Variants in HIVEP3 observed in about 807,000 individuals in gnomAD.
HIVEP3 encodes the protein HIVEP zinc finger 3.
A neutral mutation model predicts 152.8 loss-of-function variants in HIVEP3; 49 were observed. The observed-to-expected ratio is 0.32, with a 90% CI of 0.26 to 0.41. The LOEUF (loss-of-function observed/expected upper bound fraction) is 0.41. Among genes scored for constraint, HIVEP3 ranks in the 10% least tolerant of loss-of-function variants. HIVEP3 has a pLI of 1.00. For missense variants in HIVEP3, 2,790 were observed against 3,103.3 expected, an observed-to-expected ratio of 0.90 and a Z score of 2.40; for synonymous variants, 1,269 against 1,289.0, an observed-to-expected ratio of 0.98 and a Z score of 0.33.
chr1:41,542,529 T>C (rs1643556793), intron 5 of HIVEP3: 1 of 152,118 alleles, frequency 6.6e-6, no homozygotes, highest in Admixed American at 6.6e-5. Context: ...CCCAGGAAGG[T>C]CAATATTCCG....
intron 1 of HIVEP3, among the ~76,000 whole-genome samples, chr1:41,732,634 T>C (rs1646858926): frequency 6.6e-6 from 1 of 152,134 alleles, no homozygotes; most frequent in African/African-American, 2.4e-5. Flanking sequence ...AGCTGGAGCC[T>C]CATGTCTCTC....
At chr1:41,637,296 C>T (rs548489619) in intron 2 of HIVEP3, among the ~76,000 whole-genome samples, 27 of 152,354 alleles carry the variant, frequency 1.8e-4, no homozygotes, top group Middle Eastern at 3.4e-3. Context: ...ATGATAAATA[C>T]ACACAATGGA....
At chr1:41,740,456 G>A (rs1392989950) in intron 1 of HIVEP3, among the ~76,000 whole-genome samples, 3 of 152,252 alleles carry the variant, frequency 2.0e-5, no homozygotes, top group African/African-American at 7.2e-5. Flanking sequence ...GAAGCCCAAA[G>A]GTTCTGGAAT....
At chr1:41,560,708 G>C (rs1272492851) in intron 5 of HIVEP3, among the ~76,000 whole-genome samples, 2 of 152,198 alleles carry the variant, frequency 1.3e-5, no homozygotes, top group Non-Finnish European at 2.9e-5. Flanking sequence ...CCACAGCGGA[G>C]GCCCCTCCTC....
intron 1 of HIVEP3, among the ~76,000 whole-genome samples, chr1:41,862,242 C>G (rs1027203489): frequency 3.9e-5 from 6 of 152,158 alleles, no homozygotes; most frequent in African/African-American, 1.4e-4. Context: ...TCTGTCCAAA[C>G]AAATAAGCAA....
intron 1 of HIVEP3, among the ~76,000 whole-genome samples, chr1:41,882,755 A>G (rs1232628628): frequency 1.3e-5 from 2 of 152,164 alleles, no homozygotes; most frequent in African/African-American, 2.4e-5. Context: ...TGTGTGTTCA[A>G]GAAATATCTG....
chr1:41,573,377 T>A (rs1245556357), intron 5 of HIVEP3, among the ~76,000 whole-genome samples: 3 of 151,924 alleles, frequency 2.0e-5, no homozygotes, highest in African/African-American at 7.3e-5. Flanking sequence ...CTCTGCGGGG[T>A]GATGCCAGCC....
chr1:41,908,639 C>T (rs16828877), intron 1 of HIVEP3, among the ~76,000 whole-genome samples: 2,801 of 152,218 alleles, frequency 0.018, 91 homozygotes, highest in African/African-American at 0.064. Context: ...ATTTTCTGAA[C>T]GATAGTGGAT....
intron 1 of HIVEP3, among the ~76,000 whole-genome samples, chr1:41,819,325 C>CT (rs145168782): frequency 3.3e-5 from 5 of 149,292 alleles, no homozygotes; most frequent in East Asian, 2.0e-4. Flanking sequence ...TTCCATTTGT[C>CT]TTTTTTTTTT....
chr1:42,029,893 A>C (rs1347998083), intron 1 of HIVEP3, among the ~76,000 whole-genome samples: 1 of 152,254 alleles, frequency 6.6e-6, no homozygotes, highest in Non-Finnish European at 1.5e-5. Context: ...TCCGGGAGAC[A>C]CAATTGGGAA....
At chr1:41,949,596 A>G (rs1391344087) in intron 1 of HIVEP3, among the ~76,000 whole-genome samples, 1 of 152,084 alleles carries the variant, frequency 6.6e-6, no homozygotes, top group Non-Finnish European at 1.5e-5. Context: ...CATAGAGCAG[A>G]GGAGCTTCAA....
At position 41,507,020 on chromosome 1, in the gene HIVEP3, CTTT is replaced by C; in HGVS notation, c.*3428_*3430del. Reference sequence around the variant, plus strand: ...ACAGAAGCAGAATTGGTGGAACAGGCTTTCGGGAACTTTCTTCCCCTGGTCACA... The same window carrying C: ...ACAGAAGCAGAATTGGTGGAACAGGCCGGGAACTTTCTTCCCCTGGTCACA... On this transcript the variant is annotated 3_prime_UTR_variant, in exon 9 of 9. Transcript: ENST00000372583. 6.6e-6 allele frequency: 1 copy of C among 151,980 alleles called. No individual in the cohort carries two copies. Among genetic ancestry groups the C allele is most frequent in the South Asian group, 2.1e-4 (1 of 4,824 alleles). The allele number at this position is 151,980 out of a possible 1,614,324, so 9.4% of individuals were successfully genotyped here.
At chr1:41,555,785 C>T (rs1643957221) in intron 5 of HIVEP3, among the ~76,000 whole-genome samples, 2 of 152,308 alleles carry the variant, frequency 1.3e-5, no homozygotes, top group Admixed American at 1.3e-4. Flanking sequence ...ACACTCACTC[C>T]CCATCTCCTC....
chr1:41,955,504 A>G (rs1450255639), intron 1 of HIVEP3, among the ~76,000 whole-genome samples: 1 of 152,102 alleles, frequency 6.6e-6, no homozygotes, highest in Non-Finnish European at 1.5e-5. Context: ...ACAAAAAAAA[A>G]CCCCTCATAT....
At chr1:41,849,267 C>T (rs2124379855) in intron 1 of HIVEP3, among the ~76,000 whole-genome samples, 1 of 152,354 alleles carries the variant, frequency 6.6e-6, no homozygotes, top group East Asian at 1.9e-4. Context: ...TGAGACCTTT[C>T]ATCACCACTG....
intron 1 of HIVEP3, among the ~76,000 whole-genome samples, chr1:42,007,244 C>T (rs568192327): frequency 3.9e-5 from 6 of 152,164 alleles, no homozygotes; most frequent in Admixed American, 6.5e-5. Context: ...CTCGAGTGAC[C>T]GTGAGGTAGG....
At chr1:41,963,670 A>T (rs1329072817) in intron 1 of HIVEP3, among the ~76,000 whole-genome samples, 1 of 152,202 alleles carries the variant, frequency 6.6e-6, no homozygotes, top group Non-Finnish European at 1.5e-5. Flanking sequence ...AACTTAAAGT[A>T]TAATAAAAAA....
intron 1 of HIVEP3, among the ~76,000 whole-genome samples, chr1:41,753,036 G>A (rs1236012390): frequency 6.6e-6 from 1 of 152,220 alleles, no homozygotes; most frequent in Non-Finnish European, 1.5e-5. Flanking sequence ...CTGAGTTGCT[G>A]TAAAGCGGTT....
chr1:41,884,129 C>A (rs540638489), intron 1 of HIVEP3, among the ~76,000 whole-genome samples: 1 of 152,088 alleles, frequency 6.6e-6, no homozygotes, highest in Non-Finnish European at 1.5e-5. Flanking sequence ...CCATGCCTGG[C>A]TAACTTTTGT....
Sources: allele counts gnomAD v4.1 joint callset (sites outside exome capture counted in the v4.1 genomes callset), GRCh38; gene constraint gnomAD v4.1.1; transcripts MANE v1.5; gene names NCBI Gene and HGNC (gene_info 2026-07-23, HGNC 2026-07-21).